CLASP1: variants seen among roughly 807,000 people sequenced by gnomAD.
CLASP1 encodes CLIP-associating protein 1.
A neutral mutation model predicts 192.3 loss-of-function variants in CLASP1; 38 were observed. That is an observed-to-expected ratio of 0.20 (90% CI 0.15 to 0.26). The LOEUF (loss-of-function observed/expected upper bound fraction) is 0.26, where lower values mean the gene tolerates loss of function less well. Among genes scored for constraint, CLASP1 ranks in the 10% least tolerant of loss-of-function variants. The pLI is 1.00. For missense variants in CLASP1, 1,433 were observed against 1,932.5 expected, an observed-to-expected ratio of 0.74 and a Z score of 4.85; for synonymous variants, 691 against 712.8, an observed-to-expected ratio of 0.97 and a Z score of 0.49.
chr2:121,429,611 G>A (rs1296838577), intron 20 of CLASP1, among the ~76,000 whole-genome samples: 1 of 152,228 alleles, frequency 6.6e-6, no homozygotes, highest in East Asian at 1.9e-4. Flanking sequence ...CACATGGCAG[G>A]AAGAGAGGTG....
chr2:121,436,467 G>C lies in CLASP1; in HGVS notation c.1913-6290C>G, dbSNP rs1445617024. On this transcript the variant is annotated intron_variant, in intron 19 of 39. Transcript: ENST00000263710. Reference sequence around the variant, plus strand: ...ACTCTGTTGCCCAGGCTGGAGTGCAGTGGTGTGATCTCGGTTCACTGCAAT... The same window carrying C: ...ACTCTGTTGCCCAGGCTGGAGTGCACTGGTGTGATCTCGGTTCACTGCAAT... Among the ~76,000 whole-genome samples the C allele has an allele frequency of 2.0e-5, 3 of 151,104 alleles. No individual in the cohort carries two copies. In the East Asian group the frequency reaches 5.8e-4, roughly 29 times the overall value.
chr2:121,620,542 G>A (rs932605523), intron 1 of CLASP1, among the ~76,000 whole-genome samples: 1 of 152,034 alleles, frequency 6.6e-6, no homozygotes, highest in African/African-American at 2.4e-5. Flanking sequence ...TAGAGACGGG[G>A]TTTCACCATA....
intron 19 of CLASP1, among the ~76,000 whole-genome samples, chr2:121,432,587 T>C (rs2081619646): frequency 6.6e-6 from 1 of 152,252 alleles, no homozygotes; most frequent in Admixed American, 6.5e-5. Context: ...AAAAGCTTTA[T>C]AATATTGGTC....
At chr2:121,590,915 T>C (rs965469832) in intron 2 of CLASP1, among the ~76,000 whole-genome samples, 4 of 150,928 alleles carry the variant, frequency 2.7e-5, no homozygotes, top group Admixed American at 1.3e-4. Flanking sequence ...TTGCCCAGGC[T>C]GGAGAGCAAT....
At chr2:121,364,342 T>C (rs1466132018) in intron 36 of CLASP1, 1 of 152,352 alleles carries the variant, frequency 6.6e-6, no homozygotes, top group Non-Finnish European at 1.5e-5. Flanking sequence ...CTTCTCCATG[T>C]GGATGGAGAA....
rs1387669755 is a variant in CLASP1 at position 121,530,134 on chromosome 2, G to A, written c.274+113C>T. On this transcript the variant is annotated intron_variant, in intron 3 of 39. Coordinates refer to ENST00000263710, the Ensembl canonical transcript of CLASP1. ...TTGGGAGGAGCGGAAGGGAGGGAGA[G>A]GGGGCTGGAGGGGAGGCAGGGTGGC... is the stretch of plus-strand genomic sequence containing the variant. 5 of 826,008 alleles carry A rather than the reference G, an allele frequency of 6.1e-6. No homozygotes were observed. The East Asian group carries it at 1.4e-4, about 24-fold the overall frequency. The allele number at this position is 826,008 out of a possible 1,614,324, so 51.2% of individuals were successfully genotyped here. A position where few individuals can be genotyped will look rare whatever the true frequency, so the allele number is the denominator to read the frequency against.
At chr2:121,607,431 A>T (rs138027566) in intron 1 of CLASP1, among the ~76,000 whole-genome samples, 126 of 152,356 alleles carry the variant, frequency 8.3e-4, no homozygotes, top group African/African-American at 2.9e-3. Context: ...TAGTGTTTTG[A>T]TATTAAAATT....
At chr2:121,547,092 G>T (rs2057514069) in intron 2 of CLASP1, among the ~76,000 whole-genome samples, 1 of 152,132 alleles carries the variant, frequency 6.6e-6, no homozygotes. Flanking sequence ...CCAACATATT[G>T]CAGCAGCCCT....
At chr2:121,641,917 CAGGAGGCTGAGGTGGG>C (rs2072154395) in intron 1 of CLASP1, among the ~76,000 whole-genome samples, 1 of 152,004 alleles carries the variant, frequency 6.6e-6, no homozygotes, top group Non-Finnish European at 1.5e-5. Flanking sequence ...CCCAGCTACT[CAGGAGGCTGAGGTGGG>C]AGGATCACTG....
intron 1 of CLASP1, among the ~76,000 whole-genome samples, chr2:121,641,330 G>GT (rs1263843881): frequency 7.1e-6 from 1 of 139,992 alleles, no homozygotes; most frequent in Admixed American, 7.4e-5. Flanking sequence ...TGGGGAACCT[G>GT]TTAAAAAAAA....
chr2:121,361,409 A>C (rs909969991), intron 37 of CLASP1, among the ~76,000 whole-genome samples: 1 of 152,220 alleles, frequency 6.6e-6, no homozygotes, highest in Non-Finnish European at 1.5e-5. Flanking sequence ...ATTATGGTTT[A>C]AAAAAGTTAG....
chr2:121,379,154 A>T (rs1266915040), intron 33 of CLASP1, among the ~76,000 whole-genome samples: 9 of 151,576 alleles, frequency 5.9e-5, no homozygotes, highest in African/African-American at 2.2e-4. Context: ...TTTGTCTAGA[A>T]TTGCAAATAT....
At chr2:121,492,205 C>T (rs188007130) in intron 8 of CLASP1, among the ~76,000 whole-genome samples, 34 of 151,752 alleles carry the variant, frequency 2.2e-4, no homozygotes, top group African/African-American at 4.1e-4. Context: ...CTGGATAATA[C>T]GGTGAAATCC....
chr2:121,569,485 T>A (rs2105390063), intron 2 of CLASP1, among the ~76,000 whole-genome samples: 1 of 152,334 alleles, frequency 6.6e-6, no homozygotes, highest in Non-Finnish European at 1.5e-5. Flanking sequence ...TGTTTTAATT[T>A]TATTTTAAGT....
At chr2:121,384,007 T>TACAC (rs771174974) in intron 32 of CLASP1, among the ~76,000 whole-genome samples, 3,807 of 139,662 alleles carry the variant, frequency 0.027, 87 homozygotes, top group Middle Eastern at 0.077. Flanking sequence ...TATATATATA[T>TACAC]ACACACACAC....
At chr2:121,417,568 T>C (rs896506635) in intron 23 of CLASP1, among the ~76,000 whole-genome samples, 3 of 152,220 alleles carry the variant, frequency 2.0e-5, no homozygotes, top group African/African-American at 4.8e-5. Context: ...CAAGGGCTCA[T>C]GCTAACAAGG....
chr2:121,498,635 G>A (rs889188623), intron 8 of CLASP1, among the ~76,000 whole-genome samples: 3 of 152,110 alleles, frequency 2.0e-5, no homozygotes, highest in African/African-American at 7.2e-5. Context: ...CCCATAGAAT[G>A]GGAGAAAATA....
chr2:121,431,449 T>C (rs1207450542), intron 19 of CLASP1, among the ~76,000 whole-genome samples: 1 of 151,304 alleles, frequency 6.6e-6, no homozygotes, highest in African/African-American at 2.5e-5. Context: ...ACTACTGGTC[T>C]AGATACCTGT....
intron 34 of CLASP1, among the ~76,000 whole-genome samples, chr2:121,375,585 A>G (rs922180907): frequency 3.9e-5 from 6 of 151,996 alleles, no homozygotes; most frequent in Non-Finnish European, 7.4e-5. Flanking sequence ...GATGGTCTCG[A>G]TCTCTTGACC....
Sources: gnomAD v4.1 joint callset for allele counts (sites outside exome capture counted in the v4.1 genomes callset) on GRCh38, gnomAD v4.1.1 for gene constraint, MANE v1.5 for transcripts, NCBI Gene and HGNC (gene_info 2026-07-23, HGNC 2026-07-21) for gene names.